The following FRMPD4 variants were observed in gnomAD, a reference collection of about 807,000 sequenced individuals.
FRMPD4 encodes FERM and PDZ domain-containing protein 4.
In FRMPD4, 22 loss-of-function variants were observed where a neutral mutation model predicts 94.1. That is an observed-to-expected ratio of 0.23 (90% CI 0.17 to 0.33). The LOEUF is 0.33. FRMPD4 is among the 10% of genes least tolerant of loss of function. FRMPD4 has a pLI of 1.00. For synonymous variants in FRMPD4, 631 were observed against 548.6 expected (o/e 1.15, Z -2.10); for missense variants, 1,111 against 1,339.9 (o/e 0.83, Z 2.67).
chrX:12,227,181 G>A (rs777708870), intron 1 of FRMPD4, among the ~76,000 whole-genome samples: 1 of 111,804 alleles, frequency 8.9e-6, no homozygotes, highest in South Asian at 3.8e-4. Flanking sequence ...AGCATTTTAA[G>A]GATGTTGACA....
intron 4 of FRMPD4, among the ~76,000 whole-genome samples, chrX:12,646,944 G>T (rs955886175): frequency 8.9e-6 from 1 of 111,842 alleles, no homozygotes; most frequent in Non-Finnish European, 1.9e-5. Context: ...GGAGGTAGTG[G>T]CTATGACCAC....
At chrX:12,437,708 T>C (rs145264506) in intron 1 of FRMPD4, among the ~76,000 whole-genome samples, 2 of 112,308 alleles carry the variant, frequency 1.8e-5, no homozygotes, top group Non-Finnish European at 3.8e-5. Flanking sequence ...CTGTGTCTCA[T>C]AGGTAATCTG....
At chrX:12,237,937 T>C (rs756388949) in intron 1 of FRMPD4, among the ~76,000 whole-genome samples, 14 of 111,868 alleles carry the variant, frequency 1.3e-4, no homozygotes, top group Non-Finnish European at 2.4e-4. Flanking sequence ...AATTGACAAA[T>C]TTGAGTCAGA....
chrX:12,004,706 T>TC (rs2054541683), intron 3 of FRMPD4, among the ~76,000 whole-genome samples: 1 of 107,710 alleles, frequency 9.3e-6, no homozygotes, highest in Non-Finnish European at 1.9e-5. Flanking sequence ...TTTTTTTTTT[T>TC]CATCCTCAGT....
At chrX:12,647,241 G>A (rs1028471948) in intron 4 of FRMPD4, among the ~76,000 whole-genome samples, 1 of 111,519 alleles carries the variant, frequency 9.0e-6, no homozygotes, top group Admixed American at 9.5e-5. Flanking sequence ...GATAATCTAG[G>A]GCGTGATCCC....
intron 2 of FRMPD4, among the ~76,000 whole-genome samples, chrX:12,524,536 T>G (rs1454896877): frequency 9.0e-6 from 1 of 111,679 alleles, no homozygotes; most frequent in Non-Finnish European, 1.9e-5. Flanking sequence ...ATGATGATGA[T>G]GGAGAGAAGG....
intron 1 of FRMPD4, among the ~76,000 whole-genome samples, chrX:12,191,384 G>A (rs1355417636): frequency 1.8e-5 from 2 of 111,635 alleles, no homozygotes; most frequent in Non-Finnish European, 3.8e-5. Flanking sequence ...TCCAGCAATT[G>A]CACACCTTGG....
intron 1 of FRMPD4, among the ~76,000 whole-genome samples, chrX:12,356,443 T>C (rs1388566108): frequency 9.0e-6 from 1 of 111,378 alleles, no homozygotes; most frequent in Non-Finnish European, 1.9e-5. Context: ...CTAAAATTCC[T>C]ATATTGAATC....
intron 1 of FRMPD4, among the ~76,000 whole-genome samples, chrX:12,332,549 G>C (rs2055447772): frequency 9.1e-6 from 1 of 110,330 alleles, no homozygotes; most frequent in African/African-American, 3.3e-5. Flanking sequence ...TAAATGCATG[G>C]TGTTTTCCAA....
intron 1 of FRMPD4, among the ~76,000 whole-genome samples, chrX:12,488,375 T>G (rs1408717371): frequency 8.9e-6 from 1 of 112,133 alleles, no homozygotes; most frequent in Non-Finnish European, 1.9e-5. Flanking sequence ...AATATCAGCT[T>G]GTGATACTGT....
At chrX:12,305,014 G>A (rs1453933382) in intron 1 of FRMPD4, among the ~76,000 whole-genome samples, 1 of 112,095 alleles carries the variant, frequency 8.9e-6, no homozygotes, top group Non-Finnish European at 1.9e-5. Context: ...AAGCATGGTT[G>A]ATAGAAAAAA....
At chrX:12,568,157 G>A (rs538013551) in intron 2 of FRMPD4, among the ~76,000 whole-genome samples, 1 of 111,263 alleles carries the variant, frequency 9.0e-6, no homozygotes, top group East Asian at 2.8e-4. Flanking sequence ...GTTTAAAATA[G>A]CCAAATTAAT....
At chrX:12,566,853 C>A (rs2058717141) in intron 2 of FRMPD4, among the ~76,000 whole-genome samples, 1 of 110,585 alleles carries the variant, frequency 9.0e-6, no homozygotes, top group Non-Finnish European at 1.9e-5. Flanking sequence ...ATATTATTTC[C>A]CCAAGATCAC....
At chrX:12,477,001 C>T (rs2057609213) in intron 1 of FRMPD4, among the ~76,000 whole-genome samples, 1 of 111,906 alleles carries the variant, frequency 8.9e-6, no homozygotes, top group African/African-American at 3.3e-5. Flanking sequence ...AAGACACATG[C>T]ACACGTATGT....
At chrX:12,587,645 A>AGTGT (rs56902110) in intron 2 of FRMPD4, among the ~76,000 whole-genome samples, 116 of 103,975 alleles carry the variant, frequency 1.1e-3, no homozygotes, top group Admixed American at 6.2e-3. Flanking sequence ...TTCCATTATG[A>AGTGT]GTGTGTGTGT....
In FRMPD4 at chrX:12,006,133, G is replaced by A. The variant is rs369217134; in HGVS notation, c.95+128115G>A. On this transcript the variant is annotated intron_variant, in intron 3 of 18. Coordinates refer to the FRMPD4 transcript ENST00000640291. ...GTCCCTACATCCAATATCCAAATCA[G>A]CTTGATCTTTCACATCTTATTAGAA... 2.4e-4 allele frequency among the ~76,000 whole-genome samples: 27 copies of A among 111,808 alleles called. No homozygotes were observed. In the South Asian group the frequency reaches 7.6e-3, roughly 31 times the overall value.
chrX:12,481,816 C>A (rs1449932785), intron 1 of FRMPD4, among the ~76,000 whole-genome samples: 1 of 104,887 alleles, frequency 9.5e-6, no homozygotes, highest in South Asian at 4.6e-4. Flanking sequence ...GTGGCGTACA[C>A]CTGTAGTCCC....
intron 5 of FRMPD4, among the ~76,000 whole-genome samples, chrX:12,683,012 C>T (rs898582543): frequency 1.8e-5 from 2 of 111,801 alleles, no homozygotes; most frequent in Non-Finnish European, 3.8e-5. Context: ...TGTCTGCTCA[C>T]ATGCCCATAT....
chrX:12,368,240 G>A (rs2056112876), intron 1 of FRMPD4, among the ~76,000 whole-genome samples: 1 of 112,013 alleles, frequency 8.9e-6, no homozygotes, highest in African/African-American at 3.2e-5. Context: ...TAAAGGAGAT[G>A]AAATATATAA....
Sources: allele counts gnomAD v4.1 joint callset (sites outside exome capture counted in the v4.1 genomes callset), GRCh38; gene constraint gnomAD v4.1.1; transcripts MANE v1.5; gene names NCBI Gene and HGNC (gene_info 2026-07-23, HGNC 2026-07-21).